SMG7: variants seen among roughly 807,000 people sequenced by gnomAD.
The protein encoded by SMG7 is SMG7 nonsense mediated mRNA decay factor, also known as nonsense-mediated mRNA decay factor SMG7.
Under a neutral mutation model 148.2 loss-of-function variants are expected in SMG7, and 34 were observed. The observed-to-expected ratio is 0.23, with a 90% CI of 0.17 to 0.31. SMG7 has a LOEUF of 0.31. SMG7 is among the 10% of genes least tolerant of loss of function. The probability of loss-of-function intolerance (pLI) is 1.00; values close to 1 mark genes in which losing one functional copy is unlikely to be tolerated. For missense variants in SMG7, 1,114 were observed against 1,408.4 expected (o/e 0.79, Z 3.35); for synonymous variants, 492 against 515.1 (o/e 0.96, Z 0.61).
At chr1:183,541,159 T>TGCGCGCACACGC (rs973316868) in intron 13 of SMG7, 56 bp downstream of exon 13, 5 of 1,546,456 alleles carry the variant, frequency 3.2e-6, no homozygotes, top group Admixed American at 3.5e-5. Context: ...GATAAACACA[T>TGCGCGCACACGC]GCGCGCACAC....
At chr1:183,506,858 A>G (rs1661020553) in intron 1 of SMG7, among the ~76,000 whole-genome samples, 1 of 149,300 alleles carries the variant, frequency 6.7e-6, no homozygotes, top group Non-Finnish European at 1.5e-5. Context: ...TAAACCATGA[A>G]TCTTAGACTA....
chr1:183,478,685 A>G (rs989195701), intron 1 of SMG7, among the ~76,000 whole-genome samples: 1 of 152,136 alleles, frequency 6.6e-6, no homozygotes, highest in Non-Finnish European at 1.5e-5. Context: ...AGTGGTTCAC[A>G]CTTTAAAAGG....
intron 4 of SMG7, among the ~76,000 whole-genome samples, chr1:183,519,904 A>G (rs1198631392): frequency 6.6e-6 from 1 of 152,164 alleles, no homozygotes; most frequent in Non-Finnish European, 1.5e-5. Context: ...TGAAAGTTTA[A>G]ATACTGTTGA....
At chr1:183,508,431 A>T (rs1434853330) in intron 1 of SMG7, among the ~76,000 whole-genome samples, 1 of 152,128 alleles carries the variant, frequency 6.6e-6, no homozygotes, top group South Asian at 2.1e-4. Context: ...GGCTCCAGTG[A>T]TCCTCCTGCC....
chr1:183,509,192 G>C (rs1412840236), intron 1 of SMG7, among the ~76,000 whole-genome samples: 1 of 152,228 alleles, frequency 6.6e-6, no homozygotes, highest in South Asian at 2.1e-4. Context: ...CAGGATGAAA[G>C]GGAATTTCAT....
intron 1 of SMG7, among the ~76,000 whole-genome samples, chr1:183,503,309 T>C (rs968734287): frequency 2.0e-5 from 3 of 152,248 alleles, no homozygotes; most frequent in Non-Finnish European, 4.4e-5. Context: ...TTTAGTCTGT[T>C]ATCAGTTAGT....
chr1:183,483,434 G>A (rs1213094069), intron 1 of SMG7, among the ~76,000 whole-genome samples: 2 of 152,118 alleles, frequency 1.3e-5, no homozygotes, highest in Non-Finnish European at 2.9e-5. Flanking sequence ...AAAGGAAAAT[G>A]CAACTGGAAG....
At chr1:183,516,475 A>G (rs1421262656) in intron 3 of SMG7, among the ~76,000 whole-genome samples, 3 of 152,168 alleles carry the variant, frequency 2.0e-5, no homozygotes, top group South Asian at 2.1e-4. Flanking sequence ...CCCCCAATAA[A>G]ATGAAAAATT....
chr1:183,476,799 C>G (rs904317891), intron 1 of SMG7, among the ~76,000 whole-genome samples: 1 of 151,734 alleles, frequency 6.6e-6, no homozygotes, highest in African/African-American at 2.4e-5. Flanking sequence ...GGTTCTAGGC[C>G]GAATAACATT....
intron 1 of SMG7, among the ~76,000 whole-genome samples, chr1:183,503,602 A>G (rs1178801309): frequency 2.0e-5 from 3 of 152,142 alleles, no homozygotes; most frequent in Admixed American, 6.5e-5. Flanking sequence ...TTTCAACCCA[A>G]TGTGCCCCTT....
At chr1:183,488,682 CTTTTTTTTT>C (rs55662555) in intron 1 of SMG7, among the ~76,000 whole-genome samples, 2 of 75,092 alleles carry the variant, frequency 2.7e-5, no homozygotes, top group Non-Finnish European at 4.8e-5. Context: ...GTTTATAAGG[CTTTTTTTTT>C]TTTTTTTTTT....
At chr1:183,485,656 T>C (rs1394632174) in intron 1 of SMG7, among the ~76,000 whole-genome samples, 1 of 152,200 alleles carries the variant, frequency 6.6e-6, no homozygotes, top group African/African-American at 2.4e-5. Context: ...GTACAAGTAG[T>C]GAATGACTTG....
At chr1:183,535,991 A>T (rs2102669616) in intron 10 of SMG7, among the ~76,000 whole-genome samples, 2 of 152,202 alleles carry the variant, frequency 1.3e-5, no homozygotes, top group African/African-American at 4.8e-5. Flanking sequence ...TGATATTTTT[A>T]AAGTAGCATA....
chr1:183,550,228 T>G, intron 20 of SMG7: 1 of 279,144 alleles, frequency 3.6e-6, no homozygotes. Context: ...GTTCATTCTT[T>G]GCAGAAAAAT....
intron 13 of SMG7, 105 bp from the exon 14 acceptor site, chr1:183,541,971 A>C (rs1431177458): frequency 1.1e-6 from 1 of 938,950 alleles, no homozygotes; most frequent in Non-Finnish European, 1.6e-6. Flanking sequence ...TGCTGTTTTC[A>C]TGGTTATTAG....
At chr1:183,537,742 G>A (rs1057191398) in intron 11 of SMG7, among the ~76,000 whole-genome samples, 2 of 152,130 alleles carry the variant, frequency 1.3e-5, no homozygotes, top group Non-Finnish European at 2.9e-5. Context: ...TTGTCATTAA[G>A]CATTTTGAAA....
chr1:183,481,271 C>T (rs1654035107), intron 1 of SMG7, among the ~76,000 whole-genome samples: 1 of 152,154 alleles, frequency 6.6e-6, no homozygotes, highest in South Asian at 2.1e-4. Context: ...ATCTCTCTTC[C>T]CATGTCATTT....
At chr1:183,528,155 T>G (rs1666219594) in intron 6 of SMG7, 128 bp downstream of exon 6, 1 of 553,782 alleles carries the variant, frequency 1.8e-6, no homozygotes, top group African/African-American at 1.9e-5. Flanking sequence ...TGTCATGTTT[T>G]TCCATTTAAC....
At chr1:183,484,924 T>C (rs1392224221) in intron 1 of SMG7, among the ~76,000 whole-genome samples, 1 of 152,162 alleles carries the variant, frequency 6.6e-6, no homozygotes, top group Admixed American at 6.5e-5. Context: ...ACATACCTTT[T>C]CTTTTTTCAG....
Sources: allele counts gnomAD v4.1 joint callset (sites outside exome capture counted in the v4.1 genomes callset), GRCh38; gene constraint gnomAD v4.1.1; transcripts MANE v1.5; gene names NCBI Gene and HGNC (gene_info 2026-07-23, HGNC 2026-07-21).